Variants in UGT1A9 observed in about 807,000 individuals in gnomAD.
UGT1A9 encodes UDP glucuronosyltransferase family 1 member A9, also known as UDP-glucuronosyltransferase 1A9.
In UGT1A9, 35 loss-of-function variants were observed where a neutral mutation model predicts 45.0. That is an observed-to-expected ratio of 0.78 (90% CI 0.59 to 1.03). The LOEUF is 1.03. UGT1A9 is among the 50% of genes least tolerant of loss of function. The probability of loss-of-function intolerance (pLI) is 0.00; values close to 1 mark genes in which losing one functional copy is unlikely to be tolerated. For missense variants in UGT1A9, 687 were observed against 666.6 expected, an observed-to-expected ratio of 1.03 and a Z score of -0.34; for synonymous variants, 278 against 250.6, an observed-to-expected ratio of 1.11 and a Z score of -1.03.
At position 233,688,188 on chromosome 2, in the gene UGT1A9, A is replaced by T. The variant is rs763707557; in HGVS notation, c.855+15399A>T. Among the ~76,000 whole-genome samples the T allele has an allele frequency of 2.6e-5, 4 of 152,176 alleles. No homozygotes were observed. In the South Asian group the frequency reaches 6.2e-4, roughly 24 times the overall value. On this transcript the variant is annotated intron_variant, in intron 1 of 4. Transcript: ENST00000354728. Reference sequence around the variant, plus strand: ...TTTCATGGAAATGGAAGCCTTTATGACCGGCTTCTTTCACTTAGTTTTGTG... The same window carrying T: ...TTTCATGGAAATGGAAGCCTTTATGTCCGGCTTCTTTCACTTAGTTTTGTG...
chr2:233,761,574 C>T (rs1697805225), intron 1 of UGT1A9, among the ~76,000 whole-genome samples: 1 of 152,176 alleles, frequency 6.6e-6, no homozygotes, highest in Admixed American at 6.5e-5. Flanking sequence ...TGAAAGTTGC[C>T]TTTGTGACCC....
intron 1 of UGT1A9, among the ~76,000 whole-genome samples, chr2:233,749,653 G>T (rs1694241075): frequency 1.3e-5 from 2 of 151,820 alleles, no homozygotes; most frequent in Admixed American, 6.5e-5. Context: ...ATCTTGAATT[G>T]TAATCCCCAT....
intron 1 of UGT1A9, chr2:233,682,258 T>C: frequency 6.2e-7 from 1 of 1,614,214 alleles, no homozygotes; most frequent in South Asian, 1.1e-5. Flanking sequence ...GTGCATTTTC[T>C]CTATTAACAA....
At chr2:233,763,732 A>T (rs1272484781) in intron 1 of UGT1A9, among the ~76,000 whole-genome samples, 1 of 152,234 alleles carries the variant, frequency 6.6e-6, no homozygotes, top group East Asian at 1.9e-4. Context: ...ACAACCTGGC[A>T]TTGGCGTGTC....
intron 1 of UGT1A9, chr2:233,760,455 A>T (rs2125984333): frequency 6.2e-7 from 1 of 1,614,200 alleles, no homozygotes; most frequent in Non-Finnish European, 8.5e-7. Context: ...GGGGACATGA[A>T]ATAGTTGTCC....
intron 1 of UGT1A9, among the ~76,000 whole-genome samples, chr2:233,681,552 AAAT>A (rs1422207100): frequency 6.6e-6 from 1 of 151,662 alleles, no homozygotes; most frequent in Non-Finnish European, 1.5e-5. Context: ...AAAAAAAAAA[AAAT>A]TGCAAATTTT....
intron 1 of UGT1A9, among the ~76,000 whole-genome samples, chr2:233,762,296 G>A (rs1425632739): frequency 6.6e-6 from 1 of 152,206 alleles, no homozygotes; most frequent in Non-Finnish European, 1.5e-5. Context: ...GGTGCCAACC[G>A]AGGTCTAGTT....
At chr2:233,684,108 T>C (rs1313036466) in intron 1 of UGT1A9, among the ~76,000 whole-genome samples, 2 of 152,210 alleles carry the variant, frequency 1.3e-5, no homozygotes, top group Admixed American at 6.5e-5. Flanking sequence ...TTTTATCTAT[T>C]GTTCTGGCTT....
intron 1 of UGT1A9, among the ~76,000 whole-genome samples, chr2:233,681,530 CA>C (rs747693860): frequency 0.045 from 3,524 of 77,680 alleles, 72 homozygotes; most frequent in African/African-American, 0.14. Context: ...GACTCCATCT[CA>C]AAAAAAAAAA....
Position 233,672,267 on chromosome 2 carries a change from T to C in UGT1A9, c.333T>C (p.Gly111=). ...GAAGTATATATTCTCTATTAATGGG[T>C]TCATACAATGACATTTTTGACTTAT... is the stretch of plus-strand genomic sequence containing the variant. ...QVRSIYSLLM[G]SYNDIFDLFF... is the part of the protein sequence containing the mutation. The change falls in exon 1 of 5, where the codon GGT becomes GGC. Residue 111 remains glycine, a synonymous_variant. Transcript: ENST00000354728. 1 of 1,614,116 alleles carries C rather than the reference T, an allele frequency of 6.2e-7. No individual in the cohort carries two copies. The highest frequency in any genetic ancestry group is 8.5e-7 in the Non-Finnish European group (1 of 1,180,000).
chr2:233,715,125 A>AT (rs1340415834), intron 1 of UGT1A9, among the ~76,000 whole-genome samples: 1 of 152,104 alleles, frequency 6.6e-6, no homozygotes, highest in Non-Finnish European at 1.5e-5. Flanking sequence ...ATCTCAAGTG[A>AT]TTCACTCACC....
intron 1 of UGT1A9, chr2:233,760,484 T>C: frequency 6.2e-7 from 1 of 1,614,248 alleles, no homozygotes; most frequent in Non-Finnish European, 8.5e-7. Flanking sequence ...GACGCCTCGT[T>C]GTACATCAGA....
At position 233,773,293 on chromosome 2, in the gene UGT1A9, A is replaced by C. The variant is rs1290134629; in HGVS notation, c.*734A>C. The C allele has an allele frequency of 1.3e-5, 2 of 152,208 alleles. No homozygotes were observed. Among genetic ancestry groups the C allele is most frequent in the African/African-American group, 4.8e-5 (2 of 41,466 alleles). The allele number at this position is 152,208 out of a possible 1,614,324, so 9.4% of individuals were successfully genotyped here. ...TAAAAATAAATTAATAAATTTATAT[A>C]AATTCTATTTAAGTGTTTTCACTGG... is the stretch of plus-strand genomic sequence containing the variant. On this transcript the variant is annotated 3_prime_UTR_variant, in exon 5 of 5. Transcript: ENST00000354728.
chr2:233,704,550 A>C (rs6722836), intron 1 of UGT1A9, among the ~76,000 whole-genome samples: 2,672 of 152,284 alleles, frequency 0.018, 40 homozygotes, highest in South Asian at 0.042. Context: ...TGATAATATT[A>C]CTTTATATAA....
chr2:233,673,129 T>G (rs2074251628), intron 1 of UGT1A9, among the ~76,000 whole-genome samples: 3 of 152,208 alleles, frequency 2.0e-5, no homozygotes, highest in East Asian at 3.8e-4. Flanking sequence ...GGTCTTAGTT[T>G]TGTGAACATT....
At chr2:233,754,376 GACAA>G in intron 1 of UGT1A9, 1 of 288,532 alleles carries the variant, frequency 3.5e-6, no homozygotes, top group Non-Finnish European at 6.7e-6. Context: ...ATGATCGAAA[GACAA>G]ACAGAGGTCC....
chr2:233,710,054 G>T (rs2076107374), intron 1 of UGT1A9, among the ~76,000 whole-genome samples: 1 of 152,154 alleles, frequency 6.6e-6, no homozygotes, highest in South Asian at 2.1e-4. Flanking sequence ...TCTTTGGCTC[G>T]GCATAATGTC....
intron 1 of UGT1A9, among the ~76,000 whole-genome samples, chr2:233,718,425 G>A (rs963239673): frequency 6.6e-6 from 1 of 152,218 alleles, no homozygotes; most frequent in African/African-American, 2.4e-5. Context: ...GAGAACATGT[G>A]GTTGGGGACT....
chr2:233,705,529 C>T lies in UGT1A9; in HGVS notation c.855+32740C>T, dbSNP rs369165092. Among the ~76,000 whole-genome samples, 3 of 152,250 alleles carry T rather than the reference C, an allele frequency of 2.0e-5. No homozygotes were observed. The South Asian group carries it at 6.2e-4, about 32-fold the overall frequency. On this transcript the variant is annotated intron_variant, in intron 1 of 4. Transcript: ENST00000354728. The stretch of plus-strand genomic sequence containing the variant: ...AGAATCAGGGTGGGGAGATTACCTT[C>T]AGCTGTGAAGAGCAGCTGGTGATAT...
Sources: gnomAD v4.1 joint callset for allele counts (sites outside exome capture counted in the v4.1 genomes callset) on GRCh38, gnomAD v4.1.1 for gene constraint, MANE v1.5 for transcripts, NCBI Gene and HGNC (gene_info 2026-07-23, HGNC 2026-07-21) for gene names.